CRY2: variants seen among roughly 807,000 people sequenced by gnomAD.
The protein encoded by CRY2 is cryptochrome circadian regulator 2.
CRY2 carries 31 observed loss-of-function variants against 69.5 expected under a neutral mutation model. The ratio of observed to expected loss-of-function variants is 0.45; its 90% confidence interval spans 0.34 to 0.60. The LOEUF is 0.60. Among genes scored for constraint, CRY2 ranks in the 20% least tolerant of loss-of-function variants. The pLI is 0.02. For synonymous variants in CRY2, 303 were observed against 312.2 expected (o/e 0.97, Z 0.31); for missense variants, 606 against 797.8 (o/e 0.76, Z 2.90).
intron 5 of CRY2, among the ~76,000 whole-genome samples, chr11:45,864,581 GAGAGTGGGGTCTCAGAAATAAA>G (rs1434060372): frequency 1.3e-5 from 2 of 151,798 alleles, no homozygotes; most frequent in East Asian, 3.9e-4. Context: ...CTGGGTGACA[GAGAGTGGGGTCTCAGAAATAAA>G]AGAAAAAGAA....
chr11:45,865,035 CA>C (rs1311229154), intron 5 of CRY2, among the ~76,000 whole-genome samples: 1 of 151,838 alleles, frequency 6.6e-6, no homozygotes, highest in Admixed American at 6.6e-5. Context: ...GCTGGAATTA[CA>C]GGCATGAGCC....
chr11:45,874,849 A>G lies in CRY2; in HGVS notation c.*2+2616A>G, dbSNP rs572520804. On this transcript the variant is annotated intron_variant, in intron 11 of 11. Coordinates refer to ENST00000616080, the MANE Select transcript of CRY2 (RefSeq NM_021117.5). Reference sequence around the variant, plus strand: ...TCCCAGCTACTTCGGAGGCTGAGGCAGGAGAATCACTTGAACCCGGGAGGC... The same window carrying G: ...TCCCAGCTACTTCGGAGGCTGAGGCGGGAGAATCACTTGAACCCGGGAGGC... 2.6e-5 allele frequency among the ~76,000 whole-genome samples: 4 copies of G among 152,298 alleles called. No individual in the cohort carries two copies. The South Asian group carries it at 8.3e-4, about 32-fold the overall frequency.
At chr11:45,871,273 G>A (rs149559894) in intron 10 of CRY2, among the ~76,000 whole-genome samples, 20 of 152,312 alleles carry the variant, frequency 1.3e-4, no homozygotes, top group African/African-American at 3.6e-4. Flanking sequence ...GACAAAGGGA[G>A]TAGCAAGAAA....
intron 5 of CRY2, among the ~76,000 whole-genome samples, chr11:45,862,857 G>T (rs948145774): frequency 6.6e-6 from 1 of 152,192 alleles, no homozygotes. Context: ...GTGTCACAAA[G>T]TCCTCACTCC....
intron 5 of CRY2, among the ~76,000 whole-genome samples, chr11:45,863,492 C>T (rs1468296375): frequency 6.6e-6 from 1 of 151,864 alleles, no homozygotes; most frequent in Non-Finnish European, 1.5e-5. Flanking sequence ...ATACTGTGTC[C>T]TGCACATCTG....
rs777401218 is a variant in CRY2 at position 45,856,080 on chromosome 11, G to A, written c.314G>A (p.Arg105Lys). 4 of 1,613,922 alleles carry A rather than the reference G, an allele frequency of 2.5e-6. No individual in the cohort carries two copies. The Admixed American group carries it at 6.7e-5, about 27-fold the overall frequency. Residue 105 changes from arginine (R) to lysine (K), a missense_variant, in exon 2 of 12, where the codon AGG becomes AAG. This residue lies in a region of CRY2 where 382 missense variants were observed against 508.9 expected (regional missense o/e 0.75). Coordinates refer to ENST00000616080, the MANE Select transcript of CRY2 (RefSeq NM_021117.5). The part of the protein sequence containing the change: ...VRGQPADVFP[R>K]LFKEWGVTRL... The stretch of plus-strand genomic sequence containing the variant: ...GGACAGCCAGCCGACGTGTTCCCAA[G>A]GCTGTTCAAGGTAAGCGTGCAGAGC...
At chr11:45,870,576 C>G (rs1300515293) in intron 9 of CRY2, 44 bp downstream of exon 9, 1 of 1,603,420 alleles carries the variant, frequency 6.2e-7, no homozygotes, top group East Asian at 2.2e-5. Flanking sequence ...AGGACAGCAC[C>G]TACAGGCTCA....
rs556791237 is a variant in CRY2, at chr11:45,851,618, T to C, written c.215+3913T>C. ...GGGATAAAAACCTTCATCTTTCTCT[T>C]TGAAATTAGGAAAGAATAAATATAT... On this transcript the variant is annotated intron_variant, in intron 1 of 11. Transcript: ENST00000616080. Among the ~76,000 whole-genome samples the C allele has an allele frequency of 2.6e-5, 4 of 152,314 alleles. No homozygotes were observed. The East Asian group carries it at 5.8e-4, about 22-fold the overall frequency.
intron 4 of CRY2, 85 bp downstream of exon 4, chr11:45,861,117 T>C (rs2086284945): frequency 7.1e-7 from 1 of 1,416,990 alleles, no homozygotes; most frequent in African/African-American, 1.4e-5. Context: ...CATGTCATTA[T>C]AGAAAGGTTA....
In CRY2 at chr11:45,856,037, C is replaced by T. The variant is rs745620833; in HGVS notation, c.271C>T (p.Arg91Cys). The T allele has an allele frequency of 6.8e-6, 11 of 1,614,194 alleles. No individual in the cohort carries two copies. The highest frequency in any genetic ancestry group is 1.1e-5 in the South Asian group (1 of 91,078). The change falls in exon 2 of 12, where the codon CGC (arginine) becomes TGC (cysteine). Residue 91 changes from arginine (R) to cysteine (C), a missense_variant. Around this residue, in one of 5 missense-constraint regions of CRY2, gnomAD observed 382 missense variants for 508.9 expected, o/e 0.75. Coordinates refer to ENST00000616080, the MANE Select transcript of CRY2 (RefSeq NM_021117.5). ...CACAAGTTTAAGGAAACTGAACTCC[C>T]GCCTGTTTGTAGTCCGGGGACAGCC... The part of the protein sequence containing the change: ...LDTSLRKLNS[R>C]LFVVRGQPAD...
At chr11:45,873,564 G>C (rs2086403349) in intron 11 of CRY2, among the ~76,000 whole-genome samples, 1 of 152,220 alleles carries the variant, frequency 6.6e-6, no homozygotes, top group Non-Finnish European at 1.5e-5. Flanking sequence ...AAAGAACAGA[G>C]AGGTTAAATG....
intron 8 of CRY2, 22 bp downstream of exon 8, chr11:45,870,226 T>C (rs1325854000): frequency 6.2e-7 from 1 of 1,609,974 alleles, no homozygotes; most frequent in Non-Finnish European, 8.5e-7. Context: ...GACCAGGCTC[T>C]CTGGCCTCTG....
At chr11:45,847,267 G>T, upstream of CRY2, 1 of 1,551,902 alleles carries the variant, frequency 6.4e-7, no homozygotes, top group Non-Finnish European at 8.7e-7. Context: ...CTCCACCCGG[G>T]CGGACCCACA....
rs2086483939 is a variant in CRY2 at position 45,882,535 on chromosome 11, T to C, written c.*1624T>C. The C allele has an allele frequency of 1.0e-5, 4 of 398,772 alleles. No homozygotes were observed. Among genetic ancestry groups the C allele is most frequent in the Middle Eastern group, 6.3e-4 (1 of 1,586 alleles). 24.7% of individuals were successfully genotyped at this position (398,772 alleles called of 1,614,324 possible). A position where few individuals can be genotyped will look rare whatever the true frequency, so the allele number is the denominator to read the frequency against. On this transcript the variant is annotated 3_prime_UTR_variant, in exon 12 of 12. Transcript: ENST00000616080. ...CACTGACAGGCTTCTTCCTGAGATA[T>C]CCTCAGGTTTTCTCAGCCAGAGAGC... is the stretch of plus-strand genomic sequence containing the variant.
At chr11:45,877,643 T>C (rs1260324613) in intron 11 of CRY2, among the ~76,000 whole-genome samples, 2 of 152,240 alleles carry the variant, frequency 1.3e-5, no homozygotes, top group African/African-American at 2.4e-5. Flanking sequence ...ACTAAGAGAT[T>C]GATTTTTCAG....
At chr11:45,851,325 G>A (rs2086197980) in intron 1 of CRY2, among the ~76,000 whole-genome samples, 1 of 152,220 alleles carries the variant, frequency 6.6e-6, no homozygotes, top group Non-Finnish European at 1.5e-5. Flanking sequence ...GAGGGAATTT[G>A]TAGAAATAAA....
At position 45,869,553 on chromosome 11, in the gene CRY2, A is replaced by G. The variant is rs750852348; in HGVS notation, c.930A>G (p.Leu310=). The G allele has an allele frequency of 3.7e-6, 6 of 1,614,208 alleles. No homozygotes were observed. The highest frequency in any genetic ancestry group is 2.2e-5 in the East Asian group (1 of 44,880). ...TPPLSLFGQL[L]WREFFYTAAT... Reference sequence around the variant, plus strand: ...CCCTCTCCCTATTTGGGCAACTCCTATGGCGAGAGTTCTTCTACACGGCAG... The same window carrying G: ...CCCTCTCCCTATTTGGGCAACTCCTGTGGCGAGAGTTCTTCTACACGGCAG... Residue 310 remains leucine, a synonymous_variant, in exon 7 of 12, where the codon CTA becomes CTG. Coordinates refer to ENST00000616080, the MANE Select transcript of CRY2 (RefSeq NM_021117.5).
chr11:45,879,641 C>T (rs905586942), intron 11 of CRY2, among the ~76,000 whole-genome samples: 2 of 152,212 alleles, frequency 1.3e-5, no homozygotes, highest in Non-Finnish European at 2.9e-5. Context: ...TTGTCCTGGG[C>T]AAGTTCCTTC....
intron 1 of CRY2, among the ~76,000 whole-genome samples, chr11:45,851,029 C>CT (rs67641151): frequency 3.4e-4 from 49 of 145,122 alleles, no homozygotes; most frequent in East Asian, 1.4e-3. Context: ...AGCCTCAGGA[C>CT]TTTTTTTTTT....
Sources: allele counts gnomAD v4.1 joint callset (sites outside exome capture counted in the v4.1 genomes callset), GRCh38; gene constraint gnomAD v4.1.1; regional missense constraint gnomAD v4.1.1; transcripts MANE v1.5; gene names NCBI Gene and HGNC (gene_info 2026-07-23, HGNC 2026-07-21).